TSPEAR: variants seen among roughly 807,000 people sequenced by gnomAD.
The protein encoded by TSPEAR is thrombospondin type laminin G domain and EAR repeats.
Under a neutral mutation model 71.6 loss-of-function variants are expected in TSPEAR, and 69 were observed. The ratio of observed to expected loss-of-function variants is 0.96; its 90% CI spans 0.79 to 1.18. The LOEUF is 1.18. Among genes scored for constraint, TSPEAR ranks in the 50% most tolerant of loss-of-function variants. TSPEAR has a pLI of 0.00. For missense variants in TSPEAR, 971 were observed against 894.9 expected (o/e 1.09, Z -1.09); for synonymous variants, 402 against 387.2 (o/e 1.04, Z -0.45).
At chr21:44,550,367 G>A in intron 2 of TSPEAR, 1 of 504,320 alleles carries the variant, frequency 2.0e-6, no homozygotes, top group Non-Finnish European at 3.7e-6. Flanking sequence ...TGGGGCCGCA[G>A]ACGCTTTATT....
At chr21:44,616,435 G>A (rs587716509) in intron 1 of TSPEAR, among the ~76,000 whole-genome samples, 26 of 152,278 alleles carry the variant, frequency 1.7e-4, no homozygotes, top group Admixed American at 1.0e-3. Context: ...AAATGTCACA[G>A]GTGTGCAGCC....
chr21:44,655,233 G>A (rs1193763318), intron 1 of TSPEAR, among the ~76,000 whole-genome samples: 3 of 60,634 alleles, frequency 4.9e-5, no homozygotes, highest in Non-Finnish European at 8.8e-5. Flanking sequence ...CACAATGGGT[G>A]CGTGTCTGCA....
At chr21:44,694,056 T>C (rs1987227423) in intron 1 of TSPEAR, among the ~76,000 whole-genome samples, 1 of 152,042 alleles carries the variant, frequency 6.6e-6, no homozygotes, top group East Asian at 1.9e-4. Flanking sequence ...AGCAATCAAA[T>C]CTAAGAGTCC....
At chr21:44,677,485 G>A (rs1986371513) in intron 1 of TSPEAR, 2 of 832,036 alleles carry the variant, frequency 2.4e-6, no homozygotes, top group Admixed American at 1.9e-5. Context: ...GTTTTAACTT[G>A]TTCTTGTTTT....
chr21:44,592,570 C>T (rs1980057813), intron 1 of TSPEAR: 2 of 1,529,334 alleles, frequency 1.3e-6, no homozygotes, highest in Non-Finnish European at 1.8e-6. Flanking sequence ...GCCTTGTTGT[C>T]CCCGGGCCCA....
intron 11 of TSPEAR, among the ~76,000 whole-genome samples, chr21:44,504,348 G>A (rs183529623): frequency 2.8e-5 from 4 of 142,260 alleles, no homozygotes; most frequent in South Asian, 2.3e-4. Context: ...AGCTGGCCTC[G>A]GTGAGCCCTC....
intron 1 of TSPEAR, among the ~76,000 whole-genome samples, chr21:44,599,727 T>C (rs189471496): frequency 2.4e-4 from 36 of 152,366 alleles, no homozygotes; most frequent in Middle Eastern, 3.4e-3. Context: ...AATTGGATAT[T>C]ATTTGCAGAA....
At chr21:44,632,568 G>T (rs1269727344) in intron 1 of TSPEAR, among the ~76,000 whole-genome samples, 2 of 152,274 alleles carry the variant, frequency 1.3e-5, no homozygotes, top group African/African-American at 2.4e-5. Context: ...GGGCACAGTG[G>T]CTCACGCCTG....
chr21:44,654,184 C>T, intron 1 of TSPEAR: 1 of 1,035,058 alleles, frequency 9.7e-7, no homozygotes, highest in Non-Finnish European at 1.5e-6. Flanking sequence ...CGACAGTTTG[C>T]TGTGGGAGGA....
At chr21:44,639,361 C>T (rs1477261611) in intron 1 of TSPEAR, among the ~76,000 whole-genome samples, 1 of 152,346 alleles carries the variant, frequency 6.6e-6, no homozygotes, top group Middle Eastern at 3.4e-3. Flanking sequence ...ATGACCCTTG[C>T]GTGTCAATGA....
chr21:44,587,854 C>T (rs587699778), intron 1 of TSPEAR, among the ~76,000 whole-genome samples: 1 of 152,312 alleles, frequency 6.6e-6, no homozygotes, highest in Admixed American at 6.5e-5. Flanking sequence ...CCTCATCTCT[C>T]ACCTTATATA....
In TSPEAR at chr21:44,537,202, C is replaced by T. The variant is rs1427206081; in HGVS notation, c.304-3279G>A. Among the ~76,000 whole-genome samples, 5 of 151,510 alleles carry T rather than the reference C, an allele frequency of 3.3e-5. No homozygotes were observed. In the East Asian group the frequency reaches 5.8e-4, roughly 18 times the overall value. The stretch of plus-strand genomic sequence containing the variant: ...TTAATCGAGAACAAGCTAGAACCAA[C>T]GTTTTTAGAAAATAAGATAGTGGCA... On this transcript the variant is annotated intron_variant, in intron 2 of 11. Coordinates refer to ENST00000323084, the MANE Select transcript of TSPEAR (RefSeq NM_144991.3).
At chr21:44,592,524 T>G in intron 1 of TSPEAR, 1 of 1,566,652 alleles carries the variant, frequency 6.4e-7, no homozygotes, top group Non-Finnish European at 8.7e-7. Flanking sequence ...AGTGAGCCTG[T>G]GAGGTGCTGA....
chr21:44,549,920 T>C (rs1460823223), intron 2 of TSPEAR, among the ~76,000 whole-genome samples: 7 of 152,138 alleles, frequency 4.6e-5, no homozygotes, highest in Non-Finnish European at 7.4e-5. Context: ...CGTATGTGAG[T>C]GTGCGCAGGA....
chr21:44,550,520 C>T (rs1344014832), intron 2 of TSPEAR: 53 of 1,025,838 alleles, frequency 5.2e-5, no homozygotes, highest in Middle Eastern at 3.2e-4. Flanking sequence ...CTCGCCCGCC[C>T]GGCGGGAGGT....
intron 4 of TSPEAR, among the ~76,000 whole-genome samples, chr21:44,530,215 C>A (rs1479369999): frequency 1.3e-5 from 2 of 152,230 alleles, no homozygotes; most frequent in African/African-American, 4.8e-5. Flanking sequence ...ACTGGCTACT[C>A]TGCTCATCCA....
At chr21:44,540,598 C>T (rs1219091085) in intron 2 of TSPEAR, among the ~76,000 whole-genome samples, 1 of 152,168 alleles carries the variant, frequency 6.6e-6, no homozygotes, top group Non-Finnish European at 1.5e-5. Context: ...CTCCCTAAAG[C>T]GGGTCCTCAC....
chr21:44,660,900 G>A (rs1445642994), intron 1 of TSPEAR, among the ~76,000 whole-genome samples: 1 of 152,180 alleles, frequency 6.6e-6, no homozygotes, highest in Non-Finnish European at 1.5e-5. Flanking sequence ...CCGGGAGGCA[G>A]AGGTTGCAGT....
chr21:44,514,125 C>T lies in TSPEAR; in HGVS notation c.1567-4739G>A, dbSNP rs587657908. Among the ~76,000 whole-genome samples the T allele has an allele frequency of 1.1e-4, 16 of 152,322 alleles. No homozygotes were observed. In the South Asian group the frequency reaches 1.2e-3, roughly 12 times the overall value. Reference sequence around the variant, plus strand: ...AGCTGCCACCTTCCTGGAGCCCTCCCGCCCAGGCTCTGCCCAGCCCCTTCA... The same window carrying T: ...AGCTGCCACCTTCCTGGAGCCCTCCTGCCCAGGCTCTGCCCAGCCCCTTCA... On this transcript the variant is annotated intron_variant, in intron 9 of 11. Coordinates refer to ENST00000323084, the MANE Select transcript of TSPEAR (RefSeq NM_144991.3).
Sources: allele counts gnomAD v4.1 joint callset (sites outside exome capture counted in the v4.1 genomes callset), GRCh38; gene constraint gnomAD v4.1.1; transcripts MANE v1.5; gene names NCBI Gene and HGNC (gene_info 2026-07-23, HGNC 2026-07-21).